Variants in NF1 observed in about 807,000 individuals in gnomAD.
The protein encoded by NF1 is neurofibromin.
In NF1, 122 loss-of-function variants were observed where a neutral mutation model predicts 325.7. The observed-to-expected ratio is 0.37, with a 90% CI of 0.32 to 0.44. NF1 has a LOEUF of 0.44. Ranked by LOEUF, NF1 falls within the 20% of genes least tolerant of loss-of-function variation. The pLI, the probability that NF1 is intolerant of heterozygous loss-of-function variation, is 1.00. For missense variants in NF1, 2,140 were observed against 3,415.4 expected (o/e 0.63, Z 9.31); for synonymous variants, 1,091 against 1,186.0 (o/e 0.92, Z 1.65).
In NF1 at chr17:31,163,067, TG is replaced by T. The variant is rs1312124875; in HGVS notation, c.289-117del. On this transcript the variant is annotated intron_variant, in intron 3 of 57. Transcript: ENST00000358273. Reference sequence around the variant, plus strand: ...AACGTTAACAGTTGTTAAATCTAGGTGGTGTGTATGTAAGGTGTTCATTATT... The same window carrying T: ...AACGTTAACAGTTGTTAAATCTAGGTGTGTGTATGTAAGGTGTTCATTATT... 1.3e-5 allele frequency: 11 copies of T among 827,998 alleles called. No individual in the cohort carries two copies. The African/African-American group carries it at 1.7e-4, about 13-fold the overall frequency. 51.3% of individuals were successfully genotyped at this position (827,998 alleles called of 1,614,324 possible).
chr17:31,097,404 G>T (rs1021726820), intron 1 of NF1, among the ~76,000 whole-genome samples: 4 of 145,106 alleles, frequency 2.8e-5, no homozygotes, highest in Non-Finnish European at 1.5e-5. Flanking sequence ...GTTGCAGTGA[G>T]CTGAGATCAC....
intron 39 of NF1, chr17:31,331,885 G>T (rs1467536968): frequency 1.9e-5 from 2 of 104,904 alleles, no homozygotes; most frequent in Non-Finnish European, 3.4e-5. Flanking sequence ...CTGGATGATA[G>T]AGTGAGACCC....
chr17:31,231,353 T>C (rs1597718046), intron 24 of NF1, among the ~76,000 whole-genome samples: 4 of 152,192 alleles, frequency 2.6e-5, no homozygotes, highest in African/African-American at 9.7e-5. Context: ...TTAATGATAC[T>C]TATTGACACA....
In NF1 at chr17:31,357,288, C is replaced by T. The variant is rs1283946778; in HGVS notation, c.7889C>T (p.Thr2630Ile). Residue 2630 changes from threonine to isoleucine, a missense_variant, in exon 54 of 58, where the codon ACC (threonine) becomes ATC (isoleucine). Physicochemically the swap from Thr to Ile is moderately conservative, Grantham distance 89. Coordinates refer to ENST00000358273, the MANE Select transcript of NF1 (RefSeq NM_001042492.3). Reference protein sequence around the residue: ...LTVLATLVKYTTDEFDQRILY... With the variant: ...LTVLATLVKYITDEFDQRILY... ...TGGCAGGCTACACTGGTAAAATATA[C>T]CACAGATGAGTTTGATCAACGAATT... The T allele has an allele frequency of 3.7e-6, 6 of 1,613,878 alleles. No homozygotes were observed. The highest frequency in any genetic ancestry group is 5.1e-6 in the Non-Finnish European group (6 of 1,179,840).
intron 12 of NF1, among the ~76,000 whole-genome samples, chr17:31,210,556 A>T (rs2143939137): frequency 1.3e-5 from 2 of 152,300 alleles, no homozygotes; most frequent in South Asian, 4.1e-4. Flanking sequence ...CTGCACTGTC[A>T]GCCTGGGCAA....
At chr17:31,183,285 A>T (rs2066171541) in intron 8 of NF1, 1 of 160,448 alleles carries the variant, frequency 6.2e-6, no homozygotes, top group Non-Finnish European at 1.4e-5. Context: ...TTTGTTTTGC[A>T]AATATTTTTT....
At chr17:31,119,824 A>G (rs1252907362) in intron 1 of NF1, among the ~76,000 whole-genome samples, 4 of 152,220 alleles carry the variant, frequency 2.6e-5, no homozygotes, top group African/African-American at 7.2e-5. Context: ...AGTTTTCTGC[A>G]TATGGCTAGC....
intron 1 of NF1, among the ~76,000 whole-genome samples, chr17:31,142,014 G>A (rs1230108725): frequency 6.6e-6 from 1 of 152,138 alleles, no homozygotes; most frequent in Non-Finnish European, 1.5e-5. Context: ...GGTCTAAGGG[G>A]CCTTTTAGAA....
Position 31,375,580 on chromosome 17 carries a change from C to T in NF1, c.*1425C>T, listed in dbSNP as rs886052808. The stretch of plus-strand genomic sequence containing the variant: ...ATATTTATTACAAAAAGATATTAAT[C>T]CCTCTACTCCCAGGTTCCCTTTATA... On this transcript the variant is annotated 3_prime_UTR_variant, in exon 58 of 58. Coordinates refer to ENST00000358273, the MANE Select transcript of NF1 (RefSeq NM_001042492.3). 4.3e-6 allele frequency: 1 copy of T among 232,512 alleles called. No individual in the cohort carries two copies. Among genetic ancestry groups the T allele is most frequent in the Non-Finnish European group, 8.5e-6 (1 of 117,372 alleles). The allele number at this position is 232,512 out of a possible 1,614,324, so 14.4% of individuals were successfully genotyped here. A position where few individuals can be genotyped will look rare whatever the true frequency, so the allele number is the denominator to read the frequency against.
intron 13 of NF1, 131 bp from the exon 14 acceptor site, chr17:31,218,874 G>A: frequency 1.0e-6 from 1 of 954,768 alleles, no homozygotes; most frequent in Non-Finnish European, 1.6e-6. Context: ...GTCCAGCCTA[G>A]TTCTAGAACA....
At chr17:31,248,204 C>T (rs1469109279) in intron 29 of NF1, among the ~76,000 whole-genome samples, 1 of 135,768 alleles carries the variant, frequency 7.4e-6, no homozygotes, top group African/African-American at 3.1e-5. Flanking sequence ...CTCCATCCCC[C>T]GCCCCCACCC....
chr17:31,237,354 A>G (rs1032174644), intron 29 of NF1, among the ~76,000 whole-genome samples: 2 of 152,156 alleles, frequency 1.3e-5, no homozygotes, highest in Non-Finnish European at 2.9e-5. Flanking sequence ...GGCTCACTGC[A>G]ACCTTCCTGT....
At chr17:31,170,689 T>G (rs1332269686) in intron 5 of NF1, among the ~76,000 whole-genome samples, 6 of 152,302 alleles carry the variant, frequency 3.9e-5, no homozygotes, top group South Asian at 4.1e-4. Flanking sequence ...AGTGATGTGT[T>G]AATGTAAATC....
chr17:31,269,610 A>G (rs1277246029), intron 36 of NF1, among the ~76,000 whole-genome samples: 1 of 152,244 alleles, frequency 6.6e-6, no homozygotes, highest in Non-Finnish European at 1.5e-5. Flanking sequence ...GACTAGCTGC[A>G]GAGCTTTAAA....
intron 36 of NF1, among the ~76,000 whole-genome samples, chr17:31,292,727 T>C (rs1325434911): frequency 1.3e-5 from 2 of 152,214 alleles, no homozygotes; most frequent in Non-Finnish European, 2.9e-5. Flanking sequence ...AGTTTGACTC[T>C]GCATTTTGCA....
chr17:31,195,459 C>T (rs2066418479), intron 8 of NF1, among the ~76,000 whole-genome samples: 1 of 152,160 alleles, frequency 6.6e-6, no homozygotes, highest in South Asian at 2.1e-4. Flanking sequence ...CTATCTTTCA[C>T]ATCGTTGTGC....
chr17:31,096,504 G>A (rs11654920), intron 1 of NF1, among the ~76,000 whole-genome samples: 3 of 152,194 alleles, frequency 2.0e-5, no homozygotes, highest in Non-Finnish European at 4.4e-5. Flanking sequence ...TGTTGCTGTA[G>A]GTAGTTGGGG....
chr17:31,122,836 A>C (rs1208839611), intron 1 of NF1, among the ~76,000 whole-genome samples: 1 of 152,180 alleles, frequency 6.6e-6, no homozygotes, highest in Non-Finnish European at 1.5e-5. Context: ...GTGAAAGTCA[A>C]GAGGACTTCT....
chr17:31,349,316 A>G, intron 49 of NF1, 65 bp downstream of exon 49: 2 of 1,548,046 alleles, frequency 1.3e-6, no homozygotes, highest in South Asian at 1.1e-5. Flanking sequence ...CCCAAAAAGT[A>G]CAAATACCTA....
Sources: allele counts gnomAD v4.1 joint callset (sites outside exome capture counted in the v4.1 genomes callset), GRCh38; gene constraint gnomAD v4.1.1; transcripts MANE v1.5; gene names NCBI Gene and HGNC (gene_info 2026-07-23, HGNC 2026-07-21).